Variants in ZNF516 observed in about 807,000 individuals in gnomAD.
ZNF516 encodes zinc finger protein 516.
Under a neutral mutation model 79.7 loss-of-function variants are expected in ZNF516, and 19 were observed. The ratio of observed to expected loss-of-function variants is 0.24; its 90% CI spans 0.17 to 0.35. ZNF516 has a LOEUF of 0.35. Ranked by LOEUF, ZNF516 falls within the 10% of genes least tolerant of loss-of-function variation. The pLI is 1.00. For missense variants in ZNF516, 1,678 were observed against 1,679.5 expected (o/e 1.00, Z 0.02); for synonymous variants, 877 against 739.5 (o/e 1.19, Z -3.02).
intron 2 of ZNF516, among the ~76,000 whole-genome samples, chr18:76,447,838 A>G (rs1043230088): frequency 6.6e-6 from 1 of 152,182 alleles, no homozygotes; most frequent in Non-Finnish European, 1.5e-5. Flanking sequence ...TGACTTGCTG[A>G]CTAGGGTTTT....
chr18:76,494,507 T>A (rs977788726), intron 1 of ZNF516, among the ~76,000 whole-genome samples: 10 of 128,374 alleles, frequency 7.8e-5, no homozygotes, highest in Non-Finnish European at 1.6e-4. Context: ...TTCTTTAACG[T>A]TAGGGTCACT....
At chr18:76,426,085 T>G (rs2145420949) in intron 3 of ZNF516, among the ~76,000 whole-genome samples, 1 of 152,386 alleles carries the variant, frequency 6.6e-6, no homozygotes, top group East Asian at 1.9e-4. Flanking sequence ...GTCACTTTTT[T>G]AATTCAAATG....
rs74375117 is a variant in ZNF516 at position 76,384,951 on chromosome 18, G to A, written c.1811-4648C>T. On this transcript the variant is annotated intron_variant, in intron 3 of 6. Transcript: ENST00000443185. ...ACCGCAGTGCCGAGGGCACACACCA[G>A]AGAGGGAAGGCTGGCTCAGAAAGGC... Among the ~76,000 whole-genome samples the A allele has an allele frequency of 6.4e-3, 969 of 152,352 alleles. 12 individuals are homozygous for A. Among genetic ancestry groups the A allele is most frequent in the African/African-American group, 0.022 (916 of 41,594 alleles).
chr18:76,482,753 G>A (rs1300868959), intron 1 of ZNF516, among the ~76,000 whole-genome samples: 1 of 152,104 alleles, frequency 6.6e-6, no homozygotes, highest in Admixed American at 6.5e-5. Context: ...GAAATAGGCA[G>A]AAACAAGCAA....
chr18:76,492,248 C>G (rs895380292), intron 1 of ZNF516: 1 of 985,356 alleles, frequency 1.0e-6, no homozygotes, highest in African/African-American at 1.7e-5. Flanking sequence ...CTGCTCGGCT[C>G]AGGTCGGGTC....
chr18:76,458,260 G>A (rs573311942), intron 2 of ZNF516, among the ~76,000 whole-genome samples: 11 of 152,242 alleles, frequency 7.2e-5, no homozygotes, highest in Middle Eastern at 3.4e-3. Flanking sequence ...TTCATTTTAC[G>A]TCCTTTCACT....
At chr18:76,405,102 G>C (rs1292595634) in intron 3 of ZNF516, among the ~76,000 whole-genome samples, 1 of 152,194 alleles carries the variant, frequency 6.6e-6, no homozygotes, top group Non-Finnish European at 1.5e-5. Flanking sequence ...AGCACCTGAT[G>C]AACCAGCCTC....
chr18:76,461,837 A>T (rs915861534), intron 2 of ZNF516, among the ~76,000 whole-genome samples: 2 of 152,206 alleles, frequency 1.3e-5, no homozygotes, highest in Non-Finnish European at 2.9e-5. Context: ...GTATCCCCCG[A>T]GTGCCCGCCA....
At chr18:76,440,662 G>A (rs690392) in intron 3 of ZNF516, among the ~76,000 whole-genome samples, 85,492 of 152,072 alleles carry the variant, frequency 0.56, 24,243 homozygotes, top group South Asian at 0.68. Flanking sequence ...TTGAATCCAA[G>A]AAGATTAATT....
intron 1 of ZNF516, chr18:76,492,048 G>T (rs1454256539): frequency 1.8e-6 from 1 of 548,668 alleles, no homozygotes; most frequent in Admixed American, 6.4e-5. Context: ...GTGCGGCCTG[G>T]TGGCCGGGCA....
At chr18:76,484,941 T>C (rs2145803248) in intron 1 of ZNF516, among the ~76,000 whole-genome samples, 1 of 152,336 alleles carries the variant, frequency 6.6e-6, no homozygotes. Flanking sequence ...CGAGGCTAAT[T>C]TTAATCCTAC....
rs1170333726 is a variant in ZNF516 at position 76,378,917 on chromosome 18, G to A, written c.3197C>T (p.Pro1066Leu). Reference sequence around the variant, plus strand: ...CTGGTAGAGGGTCGCAAAGTCCTTTGGAATGTACGTCTTAAAGATGTTGAG... The same window carrying A: ...CTGGTAGAGGGTCGCAAAGTCCTTTAGAATGTACGTCTTAAAGATGTTGAG... ...DILNIFKTYI[P>L]KDFATLYQGW... Residue 1066 changes from proline (P) to leucine (L), a missense_variant, in exon 4 of 7, where the codon CCA becomes CTA. This residue lies in a region of ZNF516 where 1,294 missense variants were observed against 1,248.3 expected (regional missense o/e 1.04). Coordinates refer to ENST00000443185, the MANE Select transcript of ZNF516 (RefSeq NM_014643.4). 6.2e-7 allele frequency: 1 copy of A among 1,613,890 alleles called. No homozygotes were observed. Among genetic ancestry groups the A allele is most frequent in the East Asian group, 2.2e-5 (1 of 44,876 alleles).
At chr18:76,489,379 T>C (rs559401536) in intron 1 of ZNF516, among the ~76,000 whole-genome samples, 1 of 152,316 alleles carries the variant, frequency 6.6e-6, no homozygotes, top group African/African-American at 2.4e-5. Context: ...AAGTCTCCTT[T>C]CCTTTTTCAC....
At chr18:76,482,873 A>G (rs975888400) in intron 1 of ZNF516, among the ~76,000 whole-genome samples, 3 of 152,190 alleles carry the variant, frequency 2.0e-5, no homozygotes, top group Non-Finnish European at 2.9e-5. Context: ...AAATGACTAC[A>G]CTGATTAAAT....
At chr18:76,479,361 C>T (rs1914364156) in intron 1 of ZNF516, among the ~76,000 whole-genome samples, 1 of 152,236 alleles carries the variant, frequency 6.6e-6, no homozygotes, top group East Asian at 1.9e-4. Context: ...CTCAATCCAT[C>T]ATGATTTCCT....
chr18:76,453,607 T>A (rs564994339), intron 2 of ZNF516, among the ~76,000 whole-genome samples: 46 of 152,340 alleles, frequency 3.0e-4, no homozygotes, highest in African/African-American at 1.1e-3. Context: ...TTCGATGAAC[T>A]GCAGCAAGAA....
chr18:76,481,310 A>G (rs1343404611), intron 1 of ZNF516, among the ~76,000 whole-genome samples: 4 of 152,248 alleles, frequency 2.6e-5, no homozygotes, highest in Non-Finnish European at 5.9e-5. Context: ...GAGCAGGCCC[A>G]TAGACAGGCT....
chr18:76,395,588 C>T (rs2075133905), intron 3 of ZNF516, among the ~76,000 whole-genome samples: 1 of 152,090 alleles, frequency 6.6e-6, no homozygotes, highest in Non-Finnish European at 1.5e-5. Flanking sequence ...TCTGGCAGCA[C>T]AGAGCACAGC....
chr18:76,416,251 C>A (rs2075432131), intron 3 of ZNF516, among the ~76,000 whole-genome samples: 1 of 152,198 alleles, frequency 6.6e-6, no homozygotes, highest in African/African-American at 2.4e-5. Context: ...CGGCCGGTTC[C>A]CCAGGCAGGA....
Sources: gnomAD v4.1 joint callset for allele counts (sites outside exome capture counted in the v4.1 genomes callset) on GRCh38, gnomAD v4.1.1 for gene constraint, gnomAD v4.1.1 regional missense constraint, MANE v1.5 for transcripts, NCBI Gene and HGNC (gene_info 2026-07-23, HGNC 2026-07-21) for gene names.